The following NBPF3 variants were observed in gnomAD, a reference collection of about 807,000 sequenced individuals.
NBPF3 encodes NBPF member 3, also known as NBPF family member NBPF3.
NBPF3 carries 57 observed loss-of-function variants against 78.1 expected under a neutral mutation model. The observed-to-expected ratio is 0.73, with a 90% CI of 0.59 to 0.91. NBPF3 has a LOEUF of 0.91. NBPF3 is among the 40% of genes least tolerant of loss of function. The probability of loss-of-function intolerance (pLI) is 0.00; values close to 1 mark genes in which losing one functional copy is unlikely to be tolerated. For missense variants in NBPF3, 510 were observed against 715.3 expected, an observed-to-expected ratio of 0.71 and a Z score of 3.27; for synonymous variants, 182 against 271.7, an observed-to-expected ratio of 0.67 and a Z score of 3.25.
intron 9 of NBPF3, 130 bp from the exon 10 acceptor site, chr1:21,479,219 T>C (rs1236618798): frequency 2.9e-6 from 3 of 1,033,862 alleles, no homozygotes; most frequent in Non-Finnish European, 4.4e-6. Context: ...TCCTGGTATA[T>C]TTCTCTCAAA....
chr1:21,463,987 C>T (rs1570021020), intron 2 of NBPF3, among the ~76,000 whole-genome samples: 1 of 152,202 alleles, frequency 6.6e-6, no homozygotes, highest in Non-Finnish European at 1.5e-5. Flanking sequence ...ATCGAATTCT[C>T]ATATATTACT....
Position 21,451,853 on chromosome 1 carries a change from G to A in NBPF3, c.133+6634G>A, listed in dbSNP as rs1641329456. The A allele has an allele frequency of 8.5e-6, 6 of 707,668 alleles. 1 individual carries two copies. Among genetic ancestry groups the A allele is most frequent in the Admixed American group, 5.3e-5 (1 of 18,724 alleles). The allele number at this position is 707,668 out of a possible 1,614,324, so 43.8% of individuals were successfully genotyped here. A position where few individuals can be genotyped will look rare whatever the true frequency, so the allele number is the denominator to read the frequency against. Reference sequence around the variant, plus strand: ...GTAAGATTTACTAGTTGGGAATCCAGTGTTAATGCCATGAAGCAGCCGCCA... The same window carrying A: ...GTAAGATTTACTAGTTGGGAATCCAATGTTAATGCCATGAAGCAGCCGCCA... On this transcript the variant is annotated intron_variant, in intron 2 of 14. Transcript: ENST00000318249.
chr1:21,468,867 T>G lies in NBPF3; in HGVS notation c.313T>G (p.Tyr105Asp), dbSNP rs775544446. The change falls in exon 3 of 15, where the codon TAC becomes GAC. Residue 105 changes from tyrosine (Y) to aspartate (D), a missense_variant. Around this residue, in one of 5 missense-constraint regions of NBPF3, gnomAD observed 440 missense variants for 478.2 expected, o/e 0.92. Transcript: ENST00000318249. ...GAAATGTCTTGTAACTCAAGTGGCC[T>G]ACTTCCTGGCCAACCGGCAAAATAA... ...KQKCLVTQVA[Y>D]FLANRQNNYD... 1 of 1,614,150 alleles carries G rather than the reference T, an allele frequency of 6.2e-7. No homozygotes were observed. Among genetic ancestry groups the G allele is most frequent in the Non-Finnish European group, 8.5e-7 (1 of 1,179,982 alleles).
rs1474787522 is a variant in NBPF3, at chr1:21,484,396, A to C, written c.*1010A>C. Reference sequence around the variant, plus strand: ...TGGACTTGTTTGTAGAGGACAGGTCAGCTGTCTGGCTCAATGGTCTACATT... The same window carrying C: ...TGGACTTGTTTGTAGAGGACAGGTCCGCTGTCTGGCTCAATGGTCTACATT... On this transcript the variant is annotated 3_prime_UTR_variant, in exon 15 of 15. Transcript: ENST00000318249. 8.4e-6 allele frequency: 1 copy of C among 119,580 alleles called. No homozygotes were observed. Among genetic ancestry groups the C allele is most frequent in the African/African-American group, 3.0e-5 (1 of 33,742 alleles). The allele number at this position is 119,580 out of a possible 1,614,324, so 7.4% of individuals were successfully genotyped here. A position where few individuals can be genotyped will look rare whatever the true frequency, so the allele number is the denominator to read the frequency against.
intron 1 of NBPF3, among the ~76,000 whole-genome samples, chr1:21,442,607 A>G (rs1429001722): frequency 6.6e-6 from 1 of 151,982 alleles, no homozygotes; most frequent in Admixed American, 6.6e-5. Context: ...TCAATGCCTA[A>G]CCTAAGAGTA....
At chr1:21,483,063 T>C (rs977366962) in intron 14 of NBPF3, 80 bp from the exon 15 acceptor site, 3 of 1,594,542 alleles carry the variant, frequency 1.9e-6, no homozygotes, top group Non-Finnish European at 1.7e-6. Flanking sequence ...CACTTCCTTA[T>C]GTTACCCCTG....
chr1:21,479,277 G>A, intron 9 of NBPF3, 72 bp from the exon 10 acceptor site: 1 of 1,478,572 alleles, frequency 6.8e-7, no homozygotes, highest in East Asian at 2.3e-5. Context: ...TGTTAGGATT[G>A]GACAGAGGAA....
chr1:21,455,925 C>G (rs1641575338), intron 2 of NBPF3, among the ~76,000 whole-genome samples: 1 of 152,256 alleles, frequency 6.6e-6, no homozygotes, highest in African/African-American at 2.4e-5. Context: ...GTGGGAAGAA[C>G]TCATGCACAC....
intron 2 of NBPF3, 110 bp downstream of exon 2, chr1:21,445,329 C>A: frequency 8.1e-7 from 1 of 1,239,842 alleles, no homozygotes; most frequent in Non-Finnish European, 1.1e-6. Context: ...CAGGGCCTTG[C>A]CTGGCATGAA....
chr1:21,475,932 C>T (rs1642866518), intron 8 of NBPF3, among the ~76,000 whole-genome samples: 1 of 79,994 alleles, frequency 1.3e-5, no homozygotes, highest in Admixed American at 1.6e-4. Flanking sequence ...TCTCTCAGGA[C>T]TTGCTTTATG....
intron 2 of NBPF3, among the ~76,000 whole-genome samples, chr1:21,448,826 C>A (rs772393804): frequency 7.9e-5 from 12 of 152,108 alleles, no homozygotes; most frequent in African/African-American, 1.7e-4. Context: ...TTAGGGTGGC[C>A]GTTTTCCCTG....
In NBPF3 at chr1:21,470,744, C is replaced by A. The variant is rs746972979; in HGVS notation, c.446+10C>A. The stretch of plus-strand genomic sequence containing the variant: ...AAGCTGAGGAGCTCAGGTGAGTGGG[C>A]CCCCTGGGGTCAGGCAGGTGGGCAG... On this transcript the variant is annotated intron_variant, in intron 4 of 14. Transcript: ENST00000318249. 1 of 1,579,028 alleles carries A rather than the reference C, an allele frequency of 6.3e-7. No individual in the cohort carries two copies. Among genetic ancestry groups the A allele is most frequent in the South Asian group, 1.1e-5 (1 of 90,538 alleles).
At chr1:21,450,022 G>C (rs1217085152) in intron 2 of NBPF3, 1 of 157,150 alleles carries the variant, frequency 6.4e-6, no homozygotes, top group South Asian at 2.0e-4. Flanking sequence ...ACAGGCACCT[G>C]TACTAGTTTT....
intron 1 of NBPF3, among the ~76,000 whole-genome samples, chr1:21,443,606 C>T (rs1407232621): frequency 6.6e-6 from 1 of 152,046 alleles, no homozygotes; most frequent in Non-Finnish European, 1.5e-5. Flanking sequence ...TTTAGGACTA[C>T]ATAGAATAAT....
chr1:21,468,587 T>C (rs1452128708), intron 2 of NBPF3, 101 bp from the exon 3 acceptor site: 1 of 1,596,356 alleles, frequency 6.3e-7, no homozygotes, highest in Non-Finnish European at 8.5e-7. Context: ...TTCTCAACAG[T>C]AAGTTAAGAA....
chr1:21,445,565 C>T (rs899752736), intron 2 of NBPF3, among the ~76,000 whole-genome samples: 2 of 150,456 alleles, frequency 1.3e-5, no homozygotes, highest in African/African-American at 4.9e-5. Context: ...CCCTACTGTC[C>T]CCTTTCACCT....
chr1:21,439,788 C>T (rs1217320116), upstream of NBPF3, among the ~76,000 whole-genome samples: 5 of 152,098 alleles, frequency 3.3e-5, no homozygotes, highest in Non-Finnish European at 7.4e-5. Context: ...TCCGTGTGGG[C>T]ACGCGGGGAC....
chr1:21,459,766 C>T, intron 2 of NBPF3: 1 of 320,326 alleles, frequency 3.1e-6, no homozygotes, highest in Non-Finnish European at 6.5e-6. Context: ...AGTGTCTTGG[C>T]AATCATGGTG....
intron 1 of NBPF3, among the ~76,000 whole-genome samples, chr1:21,444,185 A>G (rs1052636034): frequency 1.3e-5 from 2 of 152,240 alleles, no homozygotes; most frequent in African/African-American, 2.4e-5. Flanking sequence ...ACCATATTCA[A>G]CAATCTCCAA....
Sources: gnomAD v4.1 joint callset for allele counts (sites outside exome capture counted in the v4.1 genomes callset) on GRCh38, gnomAD v4.1.1 for gene constraint, gnomAD v4.1.1 regional missense constraint, MANE v1.5 for transcripts, NCBI Gene and HGNC (gene_info 2026-07-23, HGNC 2026-07-21) for gene names.